The following ENPP4 variants were observed in gnomAD, a reference collection of about 807,000 sequenced individuals.
ENPP4 encodes the protein ectonucleotide pyrophosphatase/phosphodiesterase 4, also known as bis(5'-adenosyl)-triphosphatase ENPP4.
A neutral mutation model predicts 33.4 loss-of-function variants in ENPP4; 18 were observed. The observed-to-expected ratio is 0.54, with a 90% CI of 0.37 to 0.80. The LOEUF (loss-of-function observed/expected upper bound fraction) is 0.80. ENPP4 is among the 30% of genes least tolerant of loss of function. The probability of loss-of-function intolerance (pLI) is 0.00; values close to 1 mark genes in which losing one functional copy is unlikely to be tolerated. For missense variants in ENPP4, 480 were observed against 541.7 expected (o/e 0.89, Z 1.13); for synonymous variants, 172 against 189.9 (o/e 0.91, Z 0.78).
intron 3 of ENPP4, 46 bp from the exon 4 acceptor site, chr6:46,143,230 T>G: frequency 6.6e-7 from 1 of 1,511,270 alleles, no homozygotes; most frequent in Non-Finnish European, 8.9e-7. Flanking sequence ...TATTTTGTCC[T>G]AAAAAGTCTG....
Position 46,143,761 on chromosome 6 carries a change from T to C in ENPP4, c.*121T>C. The C allele has an allele frequency of 9.8e-7, 1 of 1,017,976 alleles. No individual in the cohort carries two copies. Among genetic ancestry groups the C allele is most frequent in the Non-Finnish European group, 1.4e-6 (1 of 698,702 alleles). The allele number at this position is 1,017,976 out of a possible 1,614,324, so 63.1% of individuals were successfully genotyped here. ...AAAGACAAAGAACTTAGACTAAGCA[T>C]GTTAAAATTATTACTTTGTTTTCCT... On this transcript the variant is annotated 3_prime_UTR_variant, in exon 4 of 4. Coordinates refer to ENST00000321037, the MANE Select transcript of ENPP4 (RefSeq NM_014936.5).
chr6:46,133,183 G>A (rs370386027), intron 1 of ENPP4, among the ~76,000 whole-genome samples: 3 of 152,188 alleles, frequency 2.0e-5, no homozygotes, highest in African/African-American at 7.2e-5. Flanking sequence ...TAGAAAGTAA[G>A]ATAAGTGTAA....
At chr6:46,138,070 G>A (rs1434874255) in intron 1 of ENPP4, among the ~76,000 whole-genome samples, 2 of 151,748 alleles carry the variant, frequency 1.3e-5, no homozygotes, top group African/African-American at 4.8e-5. Context: ...ACCATGTTCA[G>A]GGTCTTCTTA....
At chr6:46,130,460 G>C (rs1763876925) in intron 1 of ENPP4, among the ~76,000 whole-genome samples, 2 of 152,206 alleles carry the variant, frequency 1.3e-5, no homozygotes, top group African/African-American at 4.8e-5. Context: ...AAGTGTGAAG[G>C]GAGGGAAGTC....
chr6:46,136,988 A>G (rs1467132876), intron 1 of ENPP4, among the ~76,000 whole-genome samples: 1 of 152,042 alleles, frequency 6.6e-6, no homozygotes, highest in South Asian at 2.1e-4. Context: ...TTTGTCTGAT[A>G]TGCTGTATTA....
chr6:46,135,648 C>T (rs191491434), intron 1 of ENPP4, among the ~76,000 whole-genome samples: 115 of 152,056 alleles, frequency 7.6e-4, no homozygotes, highest in African/African-American at 2.6e-3. Context: ...CTTTGAGGCA[C>T]GAGACTTTTT....
At position 46,140,152 on chromosome 6, in the gene ENPP4, C is replaced by A. The variant is rs1386499550; in HGVS notation, c.569C>A (p.Ala190Glu). 5 of 1,612,444 alleles carry A rather than the reference C, an allele frequency of 3.1e-6. No individual in the cohort carries two copies. Among genetic ancestry groups the A allele is most frequent in the Non-Finnish European group, 4.2e-6 (5 of 1,179,064 alleles). The change falls in exon 2 of 4, where the codon GCA becomes GAA. Residue 190 changes from alanine to glutamate, a missense_variant. By Grantham distance (107) the Ala-to-Glu change is moderately radical (BLOSUM62 -1). This residue lies in a region of ENPP4 where 227 missense variants were observed against 273.7 expected (regional missense o/e 0.83). Coordinates refer to ENST00000321037, the MANE Select transcript of ENPP4 (RefSeq NM_014936.5). ...FATLYWEEPD[A>E]SGHKYGPEDK... ...ACACTATATTGGGAAGAACCAGATG[C>A]AAGTGGCCACAAATACGGACCTGAA...
At chr6:46,138,687 C>A (rs6458490) in intron 1 of ENPP4, among the ~76,000 whole-genome samples, 67,929 of 151,634 alleles carry the variant, frequency 0.45, 16,495 homozygotes, top group South Asian at 0.68. Context: ...CATTTTACCT[C>A]ACTCACATGT....
At chr6:46,135,482 T>C (rs921062539) in intron 1 of ENPP4, among the ~76,000 whole-genome samples, 72 of 152,086 alleles carry the variant, frequency 4.7e-4, no homozygotes, top group African/African-American at 1.7e-3. Flanking sequence ...AAATATCTTT[T>C]TCAGCTCATG....
Position 46,143,824 on chromosome 6 carries a change from C to T in ENPP4, c.*184C>T, listed in dbSNP as rs1178598671. On this transcript the variant is annotated 3_prime_UTR_variant, in exon 4 of 4. Transcript: ENST00000321037. ...CGGTGCATTTGCTAATAAGATAACG[C>T]TGACCATAGTAAAATTGTTAGTAAA... The T allele has an allele frequency of 5.9e-6, 3 of 512,028 alleles. No individual in the cohort carries two copies. The Admixed American group carries it at 1.1e-4, about 19-fold the overall frequency. The allele number at this position is 512,028 out of a possible 1,614,324, so 31.7% of individuals were successfully genotyped here. A position where few individuals can be genotyped will look rare whatever the true frequency, so the allele number is the denominator to read the frequency against.
At chr6:46,137,035 G>C (rs1763987161) in intron 1 of ENPP4, among the ~76,000 whole-genome samples, 1 of 151,824 alleles carries the variant, frequency 6.6e-6, no homozygotes, top group Admixed American at 6.6e-5. Context: ...ACTGGCAACT[G>C]ATCATATACT....
chr6:46,141,316 G>A (rs1268871133), intron 3 of ENPP4, 94 bp downstream of exon 3: 2 of 855,568 alleles, frequency 2.3e-6, no homozygotes, highest in African/African-American at 1.8e-5. Context: ...ATTTAAAGAA[G>A]TTCACACAGA....
intron 1 of ENPP4, among the ~76,000 whole-genome samples, chr6:46,130,653 G>C (rs1763881349): frequency 6.6e-6 from 1 of 152,180 alleles, no homozygotes; most frequent in Non-Finnish European, 1.5e-5. Context: ...TAATTTCCTG[G>C]AAAACAAGCC....
In ENPP4 at chr6:46,143,279, G is replaced by A; in HGVS notation, c.1001G>A (p.Gly334Asp). 1 of 1,564,846 alleles carries A rather than the reference G, an allele frequency of 6.4e-7. No individual in the cohort carries two copies. The highest frequency in any genetic ancestry group is 1.8e-5 in the Admixed American group (1 of 54,926). ...IVLNESSQKL[G>D]DHGYDNSLPS... The stretch of plus-strand genomic sequence containing the variant: ...ATGTTGTTTTGTTCTTTTTCAGTAG[G>A]TGACCATGGTTATGATAATTCTTTG... Residue 334 changes from glycine (G) to aspartate (D), a missense_variant, in exon 4 of 4, where the codon GGT (glycine) becomes GAT (aspartate). This residue lies in a region of ENPP4 where 249 missense variants were observed against 251.8 expected (regional missense o/e 0.99). Coordinates refer to ENST00000321037, the MANE Select transcript of ENPP4 (RefSeq NM_014936.5).
chr6:46,142,006 ACT>A (rs1390713351), intron 3 of ENPP4, among the ~76,000 whole-genome samples: 1 of 151,306 alleles, frequency 6.6e-6, no homozygotes, highest in Non-Finnish European at 1.5e-5. Flanking sequence ...CTTCGGTGAA[ACT>A]CTGTTTACAA....
chr6:46,137,838 C>G (rs1009487433), intron 1 of ENPP4, among the ~76,000 whole-genome samples: 1 of 151,778 alleles, frequency 6.6e-6, no homozygotes, highest in Admixed American at 6.6e-5. Context: ...AGATTCTGTG[C>G]CTTTGGTCTT....
At chr6:46,132,893 G>C (rs1014100288) in intron 1 of ENPP4, among the ~76,000 whole-genome samples, 4 of 151,768 alleles carry the variant, frequency 2.6e-5, no homozygotes, top group Non-Finnish European at 5.9e-5. Flanking sequence ...TGGATTCCTA[G>C]GTATTTTATT....
chr6:46,130,683 C>T (rs757996386), intron 1 of ENPP4, among the ~76,000 whole-genome samples: 1 of 152,220 alleles, frequency 6.6e-6, no homozygotes, highest in Non-Finnish European at 1.5e-5. Context: ...ATAAAAGGTA[C>T]ATTTAAGTGC....
At chr6:46,135,795 A>C (rs1264840361) in intron 1 of ENPP4, among the ~76,000 whole-genome samples, 1 of 152,008 alleles carries the variant, frequency 6.6e-6, no homozygotes. Context: ...AGAGTTTTAC[A>C]GTTTTAGCTA....
Sources: gnomAD v4.1 joint callset for allele counts (sites outside exome capture counted in the v4.1 genomes callset) on GRCh38, gnomAD v4.1.1 for gene constraint, gnomAD v4.1.1 regional missense constraint, MANE v1.5 for transcripts, NCBI Gene and HGNC (gene_info 2026-07-23, HGNC 2026-07-21) for gene names.